The following EIF4E1B variants were observed in gnomAD, a reference collection of about 807,000 sequenced individuals.
The protein encoded by EIF4E1B is eukaryotic translation initiation factor 4E type 1B.
A neutral mutation model predicts 31.3 loss-of-function variants in EIF4E1B; 22 were observed. The ratio of observed to expected loss-of-function variants is 0.70; its 90% CI spans 0.50 to 1.00. EIF4E1B has a LOEUF of 1.00. Ranked by LOEUF, EIF4E1B falls within the 50% of genes least tolerant of loss-of-function variation. The probability of loss-of-function intolerance (pLI) is 0.00; values close to 1 mark genes in which losing one functional copy is unlikely to be tolerated. For missense variants in EIF4E1B, 290 were observed against 311.6 expected, an observed-to-expected ratio of 0.93 and a Z score of 0.52; for synonymous variants, 126 against 120.2, an observed-to-expected ratio of 1.05 and a Z score of -0.31.
In EIF4E1B at chr5:176,646,170, T is replaced by C; in HGVS notation, c.*190T>C. 1 of 565,160 alleles carries C rather than the reference T, an allele frequency of 1.8e-6. No individual in the cohort carries two copies. Among genetic ancestry groups the C allele is most frequent in the South Asian group, 2.4e-5 (1 of 41,994 alleles). The allele number at this position is 565,160 out of a possible 1,614,324, so 35.0% of individuals were successfully genotyped here. ...GGCTAGATGGGGGTAGTGGTGGCAG[T>C]CTGAGGACCTAGCTTGTCCTGGGGC... On this transcript the variant is annotated 3_prime_UTR_variant, in exon 9 of 9. Coordinates refer to ENST00000318682, the MANE Select transcript of EIF4E1B (RefSeq NM_001099408.2).
At chr5:176,643,570 A>T in intron 4 of EIF4E1B, 69 bp from the exon 5 acceptor site, 4 of 1,457,336 alleles carry the variant, frequency 2.7e-6, no homozygotes, top group Non-Finnish European at 3.8e-6. Context: ...CCTCCCTGTC[A>T]GTCCAGGTGC....
At chr5:176,642,678 A>T (rs1407217459) in intron 2 of EIF4E1B, 32 bp from the exon 3 acceptor site, 1 of 1,503,548 alleles carries the variant, frequency 6.7e-7, no homozygotes, top group Admixed American at 2.1e-5. Flanking sequence ...TTTCCCTTCG[A>T]GCAGGCTCCA....
At chr5:176,636,942 A>T (rs912238135) in intron 1 of EIF4E1B, among the ~76,000 whole-genome samples, 5 of 152,238 alleles carry the variant, frequency 3.3e-5, no homozygotes, top group Non-Finnish European at 7.3e-5. Context: ...CCCCTCTGGA[A>T]CTCAGCATTC....
rs1760710512 is a variant in EIF4E1B at position 176,646,319 on chromosome 5, G to T, written c.*339G>T. 1 of 239,508 alleles carries T rather than the reference G, an allele frequency of 4.2e-6. No homozygotes were observed. 14.8% of individuals were successfully genotyped at this position (239,508 alleles called of 1,614,324 possible). On this transcript the variant is annotated 3_prime_UTR_variant, in exon 9 of 9. Transcript: ENST00000318682. ...GTTTACTGTTTCCACCCAGGAAGGA[G>T]GTGAGGTGGCCTGAGAGACAGACTC...
In EIF4E1B at chr5:176,638,786, T is replaced by C. The variant is rs980621251; in HGVS notation, c.-201-3257T>C. ...GGAGGTTTGTTTGTTTGTTTGTTTG[T>C]TTGTTTAAATGCAGTTTCACTCTTG... On this transcript the variant is annotated intron_variant, in intron 1 of 8. Coordinates refer to ENST00000318682, the MANE Select transcript of EIF4E1B (RefSeq NM_001099408.2). This position sits in a 1 kb window ranked among gnomAD's most constrained non-coding sequence, Gnocchi z 4.3. 1.3e-5 allele frequency among the ~76,000 whole-genome samples: 2 copies of C among 151,854 alleles called. No homozygotes were observed. Among genetic ancestry groups the C allele is most frequent in the African/African-American group, 4.9e-5 (2 of 41,142 alleles).
At chr5:176,632,058 T>G (rs1200327976) in intron 1 of EIF4E1B, among the ~76,000 whole-genome samples, 1 of 152,126 alleles carries the variant, frequency 6.6e-6, no homozygotes, top group African/African-American at 2.4e-5. Context: ...AGAAGCAAGG[T>G]GCCAAACTGG....
intron 6 of EIF4E1B, 57 bp downstream of exon 6, chr5:176,644,496 G>C: frequency 6.7e-7 from 1 of 1,503,206 alleles, no homozygotes; most frequent in Non-Finnish European, 9.1e-7. Context: ...GATCCCTCCC[G>C]GACTCCACTG....
chr5:176,633,679 G>A (rs1236665290), intron 1 of EIF4E1B, among the ~76,000 whole-genome samples: 1 of 152,050 alleles, frequency 6.6e-6, no homozygotes, highest in Non-Finnish European at 1.5e-5. Flanking sequence ...CTGTGGCTTG[G>A]GATTAAGAAC....
intron 3 of EIF4E1B, 43 bp downstream of exon 3, chr5:176,642,845 G>GCCCA: frequency 7.5e-7 from 1 of 1,337,130 alleles, no homozygotes; most frequent in Non-Finnish European, 9.6e-7. Flanking sequence ...CCATGGCCCC[G>GCCCA]CCCTCTCCCC....
intron 1 of EIF4E1B, among the ~76,000 whole-genome samples, chr5:176,640,671 G>C (rs1581185570): frequency 1.3e-5 from 2 of 152,164 alleles, no homozygotes; most frequent in Non-Finnish European, 2.9e-5. Flanking sequence ...GCAATCCAGA[G>C]AACCTGCTGA....
intron 1 of EIF4E1B, among the ~76,000 whole-genome samples, chr5:176,631,570 G>A (rs6891121): frequency 0.033 from 4,984 of 151,878 alleles, 300 homozygotes; most frequent in African/African-American, 0.11. Flanking sequence ...GTACAGCATG[G>A]GCAAAGGCAC....
In EIF4E1B at chr5:176,638,464, C is replaced by T. The variant is rs570615631; in HGVS notation, c.-201-3579C>T. On this transcript the variant is annotated intron_variant, in intron 1 of 8. Coordinates refer to ENST00000318682, the MANE Select transcript of EIF4E1B (RefSeq NM_001099408.2). The surrounding 1 kb of genome is among the most constrained non-coding windows in gnomAD (Gnocchi z 4.3). Reference sequence around the variant, plus strand: ...GAATAAACGAATAAGTAGTGTTAAGCGCTAAGAAGGAAATAGAACAGAGTG... The same window carrying T: ...GAATAAACGAATAAGTAGTGTTAAGTGCTAAGAAGGAAATAGAACAGAGTG... 2.6e-5 allele frequency among the ~76,000 whole-genome samples: 4 copies of T among 152,194 alleles called. No homozygotes were observed. Among genetic ancestry groups the T allele is most frequent in the African/African-American group, 7.2e-5 (3 of 41,522 alleles).
At position 176,646,314 on chromosome 5, in the gene EIF4E1B, AAGG is replaced by A. The variant is rs1760710390; in HGVS notation, c.*338_*340del. On this transcript the variant is annotated 3_prime_UTR_variant, in exon 9 of 9. Coordinates refer to ENST00000318682, the MANE Select transcript of EIF4E1B (RefSeq NM_001099408.2). ...CCAGCGTTTACTGTTTCCACCCAGG[AAGG>A]AGGTGAGGTGGCCTGAGAGACAGAC... 4.1e-6 allele frequency: 1 copy of A among 244,778 alleles called. No individual in the cohort carries two copies. Among genetic ancestry groups the A allele is most frequent in the Admixed American group, 4.7e-5 (1 of 21,144 alleles). The allele number at this position is 244,778 out of a possible 1,614,324, so 15.2% of individuals were successfully genotyped here. A position where few individuals can be genotyped will look rare whatever the true frequency, so the allele number is the denominator to read the frequency against.
chr5:176,643,584 G>C, intron 4 of EIF4E1B, 55 bp from the exon 5 acceptor site: 1 of 1,529,142 alleles, frequency 6.5e-7, no homozygotes, highest in South Asian at 1.2e-5. Context: ...CAGGTGCCCC[G>C]GGGGTGGACT....
rs1760363134 is a variant in EIF4E1B, at chr5:176,630,939, G to A, written c.-327G>A. The A allele has an allele frequency of 6.6e-6, 1 of 152,546 alleles. No individual in the cohort carries two copies. Among genetic ancestry groups the A allele is most frequent in the Non-Finnish European group, 1.5e-5 (1 of 68,082 alleles). The allele number at this position is 152,546 out of a possible 1,614,324, so 9.4% of individuals were successfully genotyped here. A position where few individuals can be genotyped will look rare whatever the true frequency, so the allele number is the denominator to read the frequency against. On this transcript the variant is annotated 5_prime_UTR_variant, in exon 1 of 9. Transcript: ENST00000318682. ...TGGAGGCAGCGGAAAAGGAAAACAA[G>A]GTTCCTGGTCTCGGGAAGCTTACCA...
At position 176,637,161 on chromosome 5, in the gene EIF4E1B, G is replaced by C. The variant is rs1476700430; in HGVS notation, c.-201-4882G>C. Among the ~76,000 whole-genome samples the C allele has an allele frequency of 2.0e-5, 3 of 152,300 alleles. No individual in the cohort carries two copies. The East Asian group carries it at 5.8e-4, about 29-fold the overall frequency. On this transcript the variant is annotated intron_variant, in intron 1 of 8. Coordinates refer to ENST00000318682, the MANE Select transcript of EIF4E1B (RefSeq NM_001099408.2). Reference sequence around the variant, plus strand: ...GTGAACAAGAGAGGCCTTGGGGGCTGGGCGTGGTGGCTCACCCCTGTAAGC... The same window carrying C: ...GTGAACAAGAGAGGCCTTGGGGGCTCGGCGTGGTGGCTCACCCCTGTAAGC...
chr5:176,642,861 C>CCCTCCCCG (rs1554151076), intron 3 of EIF4E1B, 59 bp downstream of exon 3: 3 of 1,123,526 alleles, frequency 2.7e-6, no homozygotes, highest in Non-Finnish European at 3.5e-6. Context: ...TCCCCCCCCC[C>CCCTCCCCG]CCCCGCCCCA....
intron 1 of EIF4E1B, among the ~76,000 whole-genome samples, chr5:176,632,626 C>T (rs1389885888): frequency 2.0e-5 from 3 of 152,192 alleles, no homozygotes; most frequent in South Asian, 2.1e-4. Flanking sequence ...TGAGAGGGTT[C>T]AGGGAAGGAA....
chr5:176,644,677 A>T (rs991868259), intron 6 of EIF4E1B: 25 of 536,510 alleles, frequency 4.7e-5, no homozygotes, highest in Non-Finnish European at 8.2e-5. Context: ...GAGATTTCTG[A>T]CCTGGCTCCT....
Sources: allele counts gnomAD v4.1 joint callset (sites outside exome capture counted in the v4.1 genomes callset), GRCh38; gene constraint gnomAD v4.1.1; non-coding constraint Gnocchi (gnomAD v3.1); transcripts MANE v1.5; gene names NCBI Gene and HGNC (gene_info 2026-07-23, HGNC 2026-07-21).